SDC2: variants seen among roughly 807,000 people sequenced by gnomAD.
SDC2 encodes the protein syndecan-2.
A neutral mutation model predicts 22.2 loss-of-function variants in SDC2; 13 were observed. The observed-to-expected ratio is 0.59, with a 90% CI of 0.38 to 0.93. The LOEUF (loss-of-function observed/expected upper bound fraction) is 0.93, where lower values mean the gene tolerates loss of function less well. Among genes scored for constraint, SDC2 ranks in the 40% least tolerant of loss-of-function variants. The pLI is 0.00. For synonymous variants in SDC2, 94 were observed against 92.8 expected (o/e 1.01, Z -0.07); for missense variants, 235 against 246.8 (o/e 0.95, Z 0.32).
chr8:96,551,070 AG>A (rs977747807), intron 1 of SDC2, among the ~76,000 whole-genome samples: 2 of 152,194 alleles, frequency 1.3e-5, no homozygotes, highest in Non-Finnish European at 2.9e-5. Context: ...ACTGGCCAGC[AG>A]GGCTGCTGGA....
intron 1 of SDC2, among the ~76,000 whole-genome samples, chr8:96,505,003 G>A (rs1014125526): frequency 1.3e-5 from 2 of 152,134 alleles, no homozygotes; most frequent in East Asian, 1.9e-4. Context: ...GAGCTTTTGA[G>A]CCAGGATGAG....
chr8:96,602,397 G>A lies in SDC2; in HGVS notation c.175G>A (p.Ala59Thr), dbSNP rs3816208. ...DDYASASGSGADEDVESPELT... is the reference protein window; with the variant it reads ...DDYASASGSGTDEDVESPELT... ...TTCATCTTCACTTACTTTTCCAGGA[G>A]CTGATGAGGATGTAGAGAGTCCAGA... The change falls in exon 3 of 5, where the codon GCT becomes ACT. Residue 59 changes from alanine to threonine, a missense_variant and splice_region_variant. Coordinates refer to ENST00000302190, the MANE Select transcript of SDC2 (RefSeq NM_002998.4). 120,683 of 1,613,172 alleles carry A rather than the reference G, an allele frequency of 0.075. 5,753 individuals are homozygous for A. The highest frequency in any genetic ancestry group is 0.22 in the East Asian group (9,870 of 44,850).
At chr8:96,556,251 G>T (rs942159433) in intron 1 of SDC2, among the ~76,000 whole-genome samples, 1 of 152,056 alleles carries the variant, frequency 6.6e-6, no homozygotes, top group Non-Finnish European at 1.5e-5. Flanking sequence ...ACTGTATTAT[G>T]TTTATCAGAG....
chr8:96,573,068 A>G (rs1034893337), intron 1 of SDC2, among the ~76,000 whole-genome samples: 1 of 152,220 alleles, frequency 6.6e-6, no homozygotes, highest in Non-Finnish European at 1.5e-5. Context: ...TGCCTGCCTG[A>G]AAGATCAGAT....
At chr8:96,501,575 T>G (rs1160389468) in intron 1 of SDC2, among the ~76,000 whole-genome samples, 2 of 152,144 alleles carry the variant, frequency 1.3e-5, no homozygotes, top group Non-Finnish European at 2.9e-5. Flanking sequence ...CCCAAAGTGC[T>G]GGGATTGCAG....
intron 1 of SDC2, among the ~76,000 whole-genome samples, chr8:96,508,871 A>T (rs530181442): frequency 2.1e-5 from 3 of 142,362 alleles, no homozygotes; most frequent in African/African-American, 5.0e-5. Flanking sequence ...AATGGGTACA[A>T]CCCTGGATCA....
chr8:96,607,863 ACAGAGTGG>A (rs1815108839), intron 3 of SDC2, among the ~76,000 whole-genome samples: 1 of 152,124 alleles, frequency 6.6e-6, no homozygotes, highest in Non-Finnish European at 1.5e-5. Flanking sequence ...ATTGCTCCCC[ACAGAGTGG>A]GGACAGGAAA....
intron 1 of SDC2, among the ~76,000 whole-genome samples, chr8:96,544,877 G>A (rs528934326): frequency 6.6e-6 from 1 of 152,320 alleles, no homozygotes; most frequent in East Asian, 1.9e-4. Context: ...AAATGTAATT[G>A]TATATTTTTA....
intron 1 of SDC2, 65 bp downstream of exon 1, chr8:96,494,396 C>G (rs1813015612): frequency 1.3e-6 from 2 of 1,488,970 alleles, no homozygotes; most frequent in African/African-American, 2.8e-5. Context: ...GAGGAGCCCG[C>G]AGGGAATAGG....
chr8:96,562,677 G>A (rs1047873673), intron 1 of SDC2, among the ~76,000 whole-genome samples: 1 of 152,162 alleles, frequency 6.6e-6, no homozygotes, highest in Non-Finnish European at 1.5e-5. Flanking sequence ...GAATTCCGTC[G>A]ACACAATTAG....
At position 96,602,543 on chromosome 8, in the gene SDC2, C is replaced by G; in HGVS notation, c.306+15C>G. 6.2e-7 allele frequency: 1 copy of G among 1,613,610 alleles called. No individual in the cohort carries two copies. On this transcript the variant is annotated intron_variant, in intron 3 of 4. Transcript: ENST00000302190. ...CTCAGACAAAGGTGCGTTCTATTTT[C>G]CATTGCATTGCATTATCAGGTTATT...
chr8:96,567,054 A>G (rs1814311829), intron 1 of SDC2, among the ~76,000 whole-genome samples: 1 of 152,178 alleles, frequency 6.6e-6, no homozygotes, highest in Non-Finnish European at 1.5e-5. Flanking sequence ...GGGTTTCGCC[A>G]TGTTGGCCAG....
chr8:96,593,446 C>G (rs747196354), intron 1 of SDC2, 34 bp from the exon 2 acceptor site: 18 of 1,441,090 alleles, frequency 1.2e-5, no homozygotes, highest in Non-Finnish European at 1.6e-5. Flanking sequence ...CTTAATCTCT[C>G]AACATCCTGA....
At chr8:96,599,852 G>A (rs974298234) in intron 2 of SDC2, among the ~76,000 whole-genome samples, 93 of 152,216 alleles carry the variant, frequency 6.1e-4, no homozygotes, top group African/African-American at 1.5e-3. Flanking sequence ...GAAATGAACC[G>A]GCCAGGAGCC....
intron 1 of SDC2, among the ~76,000 whole-genome samples, chr8:96,503,350 A>G (rs1813193819): frequency 6.6e-6 from 1 of 152,256 alleles, no homozygotes; most frequent in African/African-American, 2.4e-5. Context: ...GACACTGAAT[A>G]TCATGTGGCC....
intron 1 of SDC2, among the ~76,000 whole-genome samples, chr8:96,510,552 G>A (rs1242842030): frequency 6.6e-6 from 1 of 152,120 alleles, no homozygotes; most frequent in African/African-American, 2.4e-5. Flanking sequence ...TTGACTCAGG[G>A]AACAAAACCT....
chr8:96,507,778 C>T (rs1199219017), intron 1 of SDC2, among the ~76,000 whole-genome samples: 1 of 152,248 alleles, frequency 6.6e-6, no homozygotes, highest in East Asian at 1.9e-4. Context: ...AGGAGAGAGT[C>T]TGATGCACTT....
intron 1 of SDC2, among the ~76,000 whole-genome samples, chr8:96,577,665 G>A (rs879332900): frequency 6.6e-6 from 1 of 152,030 alleles, no homozygotes; most frequent in Non-Finnish European, 1.5e-5. Context: ...GCATAATGTC[G>A]TGTATCTACT....
At chr8:96,541,770 TGTG>T (rs572166492) in intron 1 of SDC2, among the ~76,000 whole-genome samples, 51 of 152,268 alleles carry the variant, frequency 3.3e-4, no homozygotes, top group African/African-American at 1.2e-3. Context: ...TGGAGATGAA[TGTG>T]GTGATGATTG....
Sources: allele counts gnomAD v4.1 joint callset (sites outside exome capture counted in the v4.1 genomes callset), GRCh38; gene constraint gnomAD v4.1.1; transcripts MANE v1.5; gene names NCBI Gene and HGNC (gene_info 2026-07-23, HGNC 2026-07-21).